The following SLC2A13 variants were observed in gnomAD, a reference collection of about 807,000 sequenced individuals.
SLC2A13 encodes the protein solute carrier family 2 member 13, also known as proton myo-inositol cotransporter.
SLC2A13 carries 32 observed loss-of-function variants against 64.4 expected under a neutral mutation model. That is an observed-to-expected ratio of 0.50 (90% CI 0.37 to 0.67). SLC2A13 has a LOEUF of 0.67. Among genes scored for constraint, SLC2A13 ranks in the 30% least tolerant of loss-of-function variants. The pLI is 0.00. For synonymous variants in SLC2A13, 338 were observed against 327.1 expected (o/e 1.03, Z -0.36); for missense variants, 743 against 829.2 (o/e 0.90, Z 1.28).
At chr12:39,972,014 A>T (rs796747304) in intron 3 of SLC2A13, among the ~76,000 whole-genome samples, 13 of 12,260 alleles carry the variant, frequency 1.1e-3, no homozygotes, top group Admixed American at 3.7e-3. Context: ...ATATATATAT[A>T]TTTTTTTTTA....
chr12:39,921,759 G>A (rs1272575866), intron 4 of SLC2A13, among the ~76,000 whole-genome samples: 1 of 151,940 alleles, frequency 6.6e-6, no homozygotes, highest in Non-Finnish European at 1.5e-5. Flanking sequence ...ACATTTCTAG[G>A]GCAAAGGAAA....
At chr12:39,830,038 A>T in intron 7 of SLC2A13, 65 bp downstream of exon 7, 1 of 1,602,734 alleles carries the variant, frequency 6.2e-7, no homozygotes, top group Non-Finnish European at 8.5e-7. Flanking sequence ...GCACTCTGAA[A>T]ACTTAAACAT....
intron 4 of SLC2A13, among the ~76,000 whole-genome samples, chr12:39,900,012 C>T (rs1945041490): frequency 6.6e-6 from 1 of 152,176 alleles, no homozygotes; most frequent in Non-Finnish European, 1.5e-5. Context: ...GGGCTTCATC[C>T]CTGGGATGCA....
At chr12:39,762,073 C>T (rs1157966951) in intron 9 of SLC2A13, among the ~76,000 whole-genome samples, 2 of 151,914 alleles carry the variant, frequency 1.3e-5, no homozygotes, top group Non-Finnish European at 2.9e-5. Context: ...AATACAAGAC[C>T]GTTTTACAAA....
chr12:40,046,781 C>CTT (rs1276768805), intron 2 of SLC2A13, among the ~76,000 whole-genome samples: 5 of 152,150 alleles, frequency 3.3e-5, no homozygotes, highest in Admixed American at 1.3e-4. Flanking sequence ...TCTCACATGA[C>CTT]TTTTAATTAA....
chr12:40,068,435 G>A, intron 1 of SLC2A13: 1 of 238,180 alleles, frequency 4.2e-6, no homozygotes, highest in Non-Finnish European at 8.5e-6. Flanking sequence ...TCAAAGCTGG[G>A]CACTTGTTAG....
chr12:40,048,274 A>T, intron 1 of SLC2A13, 64 bp from the exon 2 acceptor site: 1 of 1,496,084 alleles, frequency 6.7e-7, no homozygotes, highest in South Asian at 1.4e-5. Context: ...AATAAATACT[A>T]ATGCTAGATT....
At chr12:40,095,922 T>G (rs1213381851) in intron 1 of SLC2A13, among the ~76,000 whole-genome samples, 1 of 152,104 alleles carries the variant, frequency 6.6e-6, no homozygotes, top group African/African-American at 2.4e-5. Flanking sequence ...CTTAGTTTTT[T>G]GGGGTTTTTC....
intron 6 of SLC2A13, among the ~76,000 whole-genome samples, chr12:39,842,495 A>C (rs1307868037): frequency 3.3e-5 from 5 of 152,082 alleles, no homozygotes; most frequent in Non-Finnish European, 5.9e-5. Context: ...ATAGATTTGG[A>C]AACTTGTATT....
intron 6 of SLC2A13, among the ~76,000 whole-genome samples, chr12:39,855,597 T>C (rs1369072841): frequency 6.6e-6 from 1 of 152,226 alleles, no homozygotes; most frequent in Non-Finnish European, 1.5e-5. Context: ...TGTTTGTTTG[T>C]TTTTAAATCT....
chr12:39,889,529 C>CTTT (rs56189217), intron 4 of SLC2A13, among the ~76,000 whole-genome samples: 96 of 119,840 alleles, frequency 8.0e-4, no homozygotes, highest in East Asian at 1.1e-3. Context: ...GGTAAACAAC[C>CTTT]TTTTTTTTTT....
intron 1 of SLC2A13, among the ~76,000 whole-genome samples, chr12:40,100,560 T>C (rs769147787): frequency 3.2e-4 from 49 of 152,326 alleles, no homozygotes; most frequent in Non-Finnish European, 4.6e-4. Context: ...AGCAAACTCA[T>C]ATTCTTCAAT....
In SLC2A13 at chr12:39,757,112, A is replaced by C. The variant is rs1939989270; in HGVS notation, c.*2914T>G. The C allele has an allele frequency of 6.6e-6, 1 of 151,808 alleles. No homozygotes were observed. The highest frequency in any genetic ancestry group is 1.5e-5 in the Non-Finnish European group (1 of 67,700). 9.4% of individuals were successfully genotyped at this position (151,808 alleles called of 1,614,324 possible). A position where few individuals can be genotyped will look rare whatever the true frequency, so the allele number is the denominator to read the frequency against. On this transcript the variant is annotated 3_prime_UTR_variant, in exon 10 of 10. Transcript: ENST00000280871. The stretch of plus-strand genomic sequence containing the variant: ...CCCTTTTGACATCACATTCAGCCCT[A>C]TGTGTTTATATGCAGATGAAATGAT...
At chr12:40,014,215 CA>C (rs939417526) in intron 3 of SLC2A13, among the ~76,000 whole-genome samples, 3 of 152,078 alleles carry the variant, frequency 2.0e-5, no homozygotes, top group Non-Finnish European at 4.4e-5. Context: ...CAGAGGTAAA[CA>C]AAACTCACCC....
intron 3 of SLC2A13, among the ~76,000 whole-genome samples, chr12:40,024,673 A>C (rs1947775492): frequency 6.6e-6 from 1 of 152,218 alleles, no homozygotes; most frequent in Non-Finnish European, 1.5e-5. Flanking sequence ...AGAATGGACC[A>C]GAATCTTGTC....
At chr12:39,805,284 G>C (rs564969994) in intron 7 of SLC2A13, among the ~76,000 whole-genome samples, 11 of 152,178 alleles carry the variant, frequency 7.2e-5, no homozygotes, top group Non-Finnish European at 1.6e-4. Flanking sequence ...TTTGAAAAGG[G>C]TCAGTGTGGC....
rs551645689 is a variant in SLC2A13, at chr12:39,902,491, A to C, written c.1035-30530T>G. On this transcript the variant is annotated intron_variant, in intron 4 of 9. Coordinates refer to ENST00000280871, the MANE Select transcript of SLC2A13 (RefSeq NM_052885.4). Reference sequence around the variant, plus strand: ...AGTTCATACTTCTTGTAATAAATTAAACAGTGGCATATCTCTGATATACAC... The same window carrying C: ...AGTTCATACTTCTTGTAATAAATTACACAGTGGCATATCTCTGATATACAC... Among the ~76,000 whole-genome samples the C allele has an allele frequency of 5.9e-5, 9 of 152,200 alleles. No individual in the cohort carries two copies. In the East Asian group the frequency reaches 1.7e-3, roughly 29 times the overall value.
intron 1 of SLC2A13, among the ~76,000 whole-genome samples, chr12:40,081,431 A>C (rs1938398683): frequency 6.6e-6 from 1 of 152,182 alleles, no homozygotes; most frequent in African/African-American, 2.4e-5. Context: ...GTTGATTCAA[A>C]GAACTGGTCT....
intron 3 of SLC2A13, among the ~76,000 whole-genome samples, chr12:39,972,183 T>C (rs1352413914): frequency 8.2e-6 from 1 of 122,088 alleles, no homozygotes; most frequent in East Asian, 2.5e-4. Flanking sequence ...AATGAAGGTA[T>C]AAAGTAGGCT....
Sources: gnomAD v4.1 joint callset for allele counts (sites outside exome capture counted in the v4.1 genomes callset) on GRCh38, gnomAD v4.1.1 for gene constraint, MANE v1.5 for transcripts, NCBI Gene and HGNC (gene_info 2026-07-23, HGNC 2026-07-21) for gene names.